PRDM16: variants seen among roughly 807,000 people sequenced by gnomAD.
The protein encoded by PRDM16 is histone-lysine N-methyltransferase PRDM16.
Under a neutral mutation model 110.6 loss-of-function variants are expected in PRDM16, and 23 were observed. That is an observed-to-expected ratio of 0.21 (90% CI 0.15 to 0.29). PRDM16 has a LOEUF of 0.29. PRDM16 is among the 10% of genes least tolerant of loss of function. PRDM16 has a pLI of 1.00. For missense variants in PRDM16, 1,615 were observed against 1,794.3 expected (o/e 0.90, Z 1.81); for synonymous variants, 799 against 781.8 (o/e 1.02, Z -0.37).
At position 3,101,945 on chromosome 1, in the gene PRDM16, G is replaced by A. The variant is rs573673607; in HGVS notation, c.37+32649G>A. Among the ~76,000 whole-genome samples, 5 of 152,250 alleles carry A rather than the reference G, an allele frequency of 3.3e-5. No homozygotes were observed. The South Asian group carries it at 8.3e-4, about 25-fold the overall frequency. On this transcript the variant is annotated intron_variant, in intron 1 of 16. Coordinates refer to ENST00000270722, the MANE Select transcript of PRDM16 (RefSeq NM_022114.4). Reference sequence around the variant, plus strand: ...AGTCTTTGCTGTCTGGGGGCCAGCCGAAAAGCACAGCCCCTCCAAGGAAGG... The same window carrying A: ...AGTCTTTGCTGTCTGGGGGCCAGCCAAAAAGCACAGCCCCTCCAAGGAAGG...
In PRDM16 at chr1:3,392,440, G is replaced by A. The variant is rs190151784; in HGVS notation, c.574-4051G>A. Among the ~76,000 whole-genome samples the A allele has an allele frequency of 3.8e-3, 574 of 152,268 alleles. 5 individuals are homozygous for A. Among genetic ancestry groups the A allele is most frequent in the Non-Finnish European group, 6.9e-3 (471 of 68,022 alleles). On this transcript the variant is annotated intron_variant, in intron 4 of 16. Coordinates refer to ENST00000270722, the MANE Select transcript of PRDM16 (RefSeq NM_022114.4). Reference sequence around the variant, plus strand: ...ATTCCAGGAAAGAGAAAACAAGAACGGCCGCTGCTCAGATTCAACCCAGTT... The same window carrying A: ...ATTCCAGGAAAGAGAAAACAAGAACAGCCGCTGCTCAGATTCAACCCAGTT...
chr1:3,314,935 A>G (rs80170901), intron 3 of PRDM16, among the ~76,000 whole-genome samples: 6,305 of 152,230 alleles, frequency 0.041, 178 homozygotes, highest in Non-Finnish European at 0.066. Flanking sequence ...AGTGATGGTA[A>G]CATCACACAG....
At chr1:3,282,921 G>A (rs1039616487) in intron 3 of PRDM16, among the ~76,000 whole-genome samples, 3 of 152,222 alleles carry the variant, frequency 2.0e-5, no homozygotes, top group Non-Finnish European at 2.9e-5. Flanking sequence ...AGGCGTGGTA[G>A]TATTAGGGCG....
Position 3,189,612 on chromosome 1 carries a change from T to G in PRDM16, c.387+3138T>G, listed in dbSNP as rs542340798. ...GACTTTACTGTAATGTCCACGGTAT[T>G]TATTTACTGAAAAAGAACAAGTAAA... is the stretch of plus-strand genomic sequence containing the variant. On this transcript the variant is annotated intron_variant, in intron 2 of 16. Transcript: ENST00000270722. Among the ~76,000 whole-genome samples the G allele has an allele frequency of 3.9e-5, 6 of 152,362 alleles. 1 individual carries two copies. Among genetic ancestry groups the G allele is most frequent in the African/African-American group, 7.2e-5 (3 of 41,590 alleles).
chr1:3,304,742 C>T (rs190744914), intron 3 of PRDM16, among the ~76,000 whole-genome samples: 232 of 136,248 alleles, frequency 1.7e-3, no homozygotes, highest in African/African-American at 7.6e-3. Context: ...CTGTCCCCTT[C>T]GCTCCCTGCA....
intron 1 of PRDM16, among the ~76,000 whole-genome samples, chr1:3,142,538 C>T (rs1371885469): frequency 6.6e-6 from 1 of 152,174 alleles, no homozygotes; most frequent in Non-Finnish European, 1.5e-5. Context: ...ATCCTCCTCA[C>T]CTGCGGCGTC....
chr1:3,222,168 C>T (rs1639165117), intron 2 of PRDM16, among the ~76,000 whole-genome samples: 1 of 152,208 alleles, frequency 6.6e-6, no homozygotes, highest in African/African-American at 2.4e-5. Context: ...GCTCAGGTCC[C>T]ACCCCCTGAC....
At chr1:3,297,203 A>G (rs984994861) in intron 3 of PRDM16, among the ~76,000 whole-genome samples, 3 of 151,084 alleles carry the variant, frequency 2.0e-5, no homozygotes, top group Non-Finnish European at 4.4e-5. Context: ...TTGGACTCAC[A>G]TTACCAGCAT....
At position 3,171,481 on chromosome 1, in the gene PRDM16, G is replaced by A. The variant is rs185456441; in HGVS notation, c.38-14644G>A. On this transcript the variant is annotated intron_variant, in intron 1 of 16. Transcript: ENST00000270722. ...CAACCCCCTCCAAACCCTCAGTGCCGCAGGTGCTCTGGCAGCTGGCAGAGG... is the reference window on the plus strand; with the variant it reads ...CAACCCCCTCCAAACCCTCAGTGCCACAGGTGCTCTGGCAGCTGGCAGAGG... 2.5e-3 allele frequency among the ~76,000 whole-genome samples: 377 copies of A among 152,284 alleles called. 2 individuals carry two copies. Among genetic ancestry groups the A allele is most frequent in the African/African-American group, 8.4e-3 (350 of 41,572 alleles).
chr1:3,173,404 C>T (rs1644050314), intron 1 of PRDM16, among the ~76,000 whole-genome samples: 1 of 152,254 alleles, frequency 6.6e-6, no homozygotes, highest in Non-Finnish European at 1.5e-5. Context: ...GGGAACGCTG[C>T]TGTCCCCGGA....
intron 1 of PRDM16, among the ~76,000 whole-genome samples, chr1:3,099,014 G>A (rs1319158285): frequency 6.6e-6 from 1 of 152,240 alleles, no homozygotes; most frequent in Admixed American, 6.5e-5. Flanking sequence ...TGAGTAGGAG[G>A]GTTGGGCCAC....
intron 1 of PRDM16, among the ~76,000 whole-genome samples, chr1:3,098,652 G>T (rs558696789): frequency 3.1e-4 from 47 of 152,318 alleles, no homozygotes; most frequent in Middle Eastern, 3.4e-3. Flanking sequence ...CTTCTAAAAT[G>T]CCTCAGTTTC....
intron 10 of PRDM16, among the ~76,000 whole-genome samples, chr1:3,417,519 C>A (rs1303145702): frequency 1.3e-5 from 2 of 152,226 alleles, no homozygotes; most frequent in African/African-American, 4.8e-5. Flanking sequence ...ACATCAGCTA[C>A]CTGTATCACT....
At chr1:3,071,904 C>T (rs1382759190) in intron 1 of PRDM16, among the ~76,000 whole-genome samples, 1 of 152,264 alleles carries the variant, frequency 6.6e-6, no homozygotes, top group African/African-American at 2.4e-5. Flanking sequence ...GGAGACCCCA[C>T]TCCAAGCCTC....
chr1:3,326,014 C>A (rs1302218604), intron 3 of PRDM16, among the ~76,000 whole-genome samples: 2 of 131,924 alleles, frequency 1.5e-5, no homozygotes, highest in Non-Finnish European at 3.2e-5. Context: ...TGGCCATCCT[C>A]GACCATCCTT....
At chr1:3,380,387 T>C (rs2493309) in intron 3 of PRDM16, among the ~76,000 whole-genome samples, 105,202 of 151,736 alleles carry the variant, frequency 0.69, 36,922 homozygotes, top group African/African-American at 0.82. Flanking sequence ...CTGTGACTAT[T>C]AAATTGGTCA....
Position 3,350,409 on chromosome 1 carries a change from C to G in PRDM16, c.439-34743C>G, listed in dbSNP as rs1480657857. Among the ~76,000 whole-genome samples, 3 of 152,220 alleles carry G rather than the reference C, an allele frequency of 2.0e-5. No individual in the cohort carries two copies. Among genetic ancestry groups the G allele is most frequent in the Non-Finnish European group, 2.9e-5 (2 of 68,024 alleles). ...CTGGGCACCCTTGAAGCCACCCCCT[C>G]TTTCCCTCCTGGGCTCTACTGCTCC... is the stretch of plus-strand genomic sequence containing the variant. On this transcript the variant is annotated intron_variant, in intron 3 of 16. Transcript: ENST00000270722. This position sits in a 1 kb window ranked among gnomAD's most constrained non-coding sequence, Gnocchi z 7.1.
At chr1:3,268,828 C>G (rs2100277424) in intron 3 of PRDM16, among the ~76,000 whole-genome samples, 1 of 152,310 alleles carries the variant, frequency 6.6e-6, no homozygotes, top group Admixed American at 6.5e-5. Context: ...CCAGGGGCTC[C>G]CAGCCTGCCC....
intron 3 of PRDM16, among the ~76,000 whole-genome samples, chr1:3,315,868 G>A (rs1393823062): frequency 2.0e-5 from 3 of 152,166 alleles, no homozygotes; most frequent in Non-Finnish European, 4.4e-5. Context: ...GAGGGGCCCG[G>A]GATGAATGAG....
Sources: gnomAD v4.1 joint callset for allele counts (sites outside exome capture counted in the v4.1 genomes callset) on GRCh38, gnomAD v4.1.1 for gene constraint, Gnocchi (gnomAD v3.1) non-coding constraint, MANE v1.5 for transcripts, NCBI Gene and HGNC (gene_info 2026-07-23, HGNC 2026-07-21) for gene names.